PRAG1: variants seen among roughly 807,000 people sequenced by gnomAD.
The protein encoded by PRAG1 is inactive tyrosine-protein kinase PRAG1.
Under a neutral mutation model 95.6 loss-of-function variants are expected in PRAG1, and 110 were observed. The ratio of observed to expected loss-of-function variants is 1.15; its 90% confidence interval spans 0.99 to 1.35. The LOEUF is 1.35. PRAG1 is among the 40% of genes most tolerant of loss of function. The probability of loss-of-function intolerance (pLI) is 0.00; values close to 1 mark genes in which losing one functional copy is unlikely to be tolerated. For synonymous variants in PRAG1, 1,052 were observed against 819.4 expected, an observed-to-expected ratio of 1.28 and a Z score of -4.85; for missense variants, 2,554 against 1,864.7, an observed-to-expected ratio of 1.37 and a Z score of -6.81.
In PRAG1 at chr8:8,328,030, C is replaced by A; in HGVS notation, c.2752G>T (p.Ala918Ser). ...PGLQCKGAPS[A>S]SSSQLSVSSQ... ...GACACGCTCAGCTGGGAGGATGAGGCGGAGGGGGCCCCTTTGCACTGGAGG... is the reference window on the plus strand; with the variant it reads ...GACACGCTCAGCTGGGAGGATGAGGAGGAGGGGGCCCCTTTGCACTGGAGG... Residue 918 changes from alanine (A) to serine (S), a missense_variant, in exon 5 of 6, where the codon GCC (alanine) becomes TCC (serine). Physicochemically the swap from Ala to Ser is moderately conservative, Grantham distance 99 (BLOSUM62 1). Transcript: ENST00000615670. 4 of 1,582,824 alleles carry A rather than the reference C, an allele frequency of 2.5e-6. No homozygotes were observed. The highest frequency in any genetic ancestry group is 1.2e-5 in the South Asian group (1 of 85,154).
intron 2 of PRAG1, among the ~76,000 whole-genome samples, chr8:8,379,387 C>G (rs1445566950): frequency 2.0e-5 from 3 of 152,156 alleles, no homozygotes; most frequent in African/African-American, 4.8e-5. Flanking sequence ...GAAGCAGCCT[C>G]AAAGCAGGGC....
chr8:8,377,816 T>G lies in PRAG1; in HGVS notation c.593A>C (p.Gln198Pro). 1.2e-6 allele frequency: 2 copies of G among 1,614,046 alleles called. No individual in the cohort carries two copies. Among genetic ancestry groups the G allele is most frequent in the Non-Finnish European group, 1.7e-6 (2 of 1,180,010 alleles). ...VHKEKPSFPY[Q>P]DRPSTQESFR... ...GCTCTCCTGGGTGGAGGGCCGGTCT[T>G]GGTAAGGAAATGAGGGTTTTTCTTT... The change falls in exon 3 of 6, where the codon CAA (glutamine) becomes CCA (proline). Residue 198 changes from glutamine (Q) to proline (P), a missense_variant. By Grantham distance (76) the Gln-to-Pro change is moderately conservative. Transcript: ENST00000615670.
chr8:8,374,728 A>T (rs1034762581), intron 3 of PRAG1: 7 of 985,156 alleles, frequency 7.1e-6, no homozygotes, highest in Non-Finnish European at 8.4e-6. Flanking sequence ...GATCTGGAAG[A>T]TGTCTGTTCT....
chr8:8,367,006 T>G (rs1209617480), intron 3 of PRAG1, among the ~76,000 whole-genome samples: 1 of 152,020 alleles, frequency 6.6e-6, no homozygotes, highest in Non-Finnish European at 1.5e-5. Context: ...ATTTTAGATT[T>G]TATGGCTGAA....
At chr8:8,346,558 G>C (rs1799348857) in intron 3 of PRAG1, among the ~76,000 whole-genome samples, 1 of 152,174 alleles carries the variant, frequency 6.6e-6, no homozygotes, top group Non-Finnish European at 1.5e-5. Context: ...TACTATGTTG[G>C]TGGAAAGCTG....
At chr8:8,328,536 CTTTA>C (rs1308732028) in intron 4 of PRAG1, 75 bp from the exon 5 acceptor site, 504 of 1,448,398 alleles carry the variant, frequency 3.5e-4, no homozygotes, top group Non-Finnish European at 3.9e-4. Flanking sequence ...ACTTGTTTCC[CTTTA>C]TTTATTTATT....
At chr8:8,323,281 T>A (rs1798529340) in intron 5 of PRAG1, among the ~76,000 whole-genome samples, 1 of 151,706 alleles carries the variant, frequency 6.6e-6, no homozygotes, top group East Asian at 1.9e-4. Flanking sequence ...TGAGTTCTCA[T>A]GAGATCTGAT....
At chr8:8,375,983 ATGGCAACAGCT>A (rs1800371998) in intron 3 of PRAG1, among the ~76,000 whole-genome samples, 1 of 152,176 alleles carries the variant, frequency 6.6e-6, no homozygotes, top group Non-Finnish European at 1.5e-5. Flanking sequence ...GCACCAACAA[ATGGCAACAGCT>A]TGGTGAAAGA....
chr8:8,350,644 C>G (rs1470545362), intron 3 of PRAG1, among the ~76,000 whole-genome samples: 3 of 152,102 alleles, frequency 2.0e-5, no homozygotes, highest in Non-Finnish European at 4.4e-5. Flanking sequence ...TTCAGAGTCA[C>G]CAAGGATGGC....
intron 4 of PRAG1, among the ~76,000 whole-genome samples, chr8:8,328,776 GCACACACACA>G (rs148004809): frequency 1.3e-5 from 2 of 149,412 alleles, no homozygotes; most frequent in Non-Finnish European, 3.0e-5. Context: ...GCACGCGTGC[GCACACACACA>G]CACACACACA....
At chr8:8,380,316 A>C (rs928578110) in intron 2 of PRAG1, among the ~76,000 whole-genome samples, 1 of 150,462 alleles carries the variant, frequency 6.6e-6, no homozygotes, top group African/African-American at 2.4e-5. Context: ...CTAAAAAAAT[A>C]GGCCAGGCGC....
intron 2 of PRAG1, among the ~76,000 whole-genome samples, chr8:8,379,455 G>A (rs1367773478): frequency 6.6e-6 from 1 of 152,192 alleles, no homozygotes; most frequent in Non-Finnish European, 1.5e-5. Context: ...GGCTCAGGTT[G>A]GTGAAGGTTG....
chr8:8,330,229 G>C (rs1458743709), intron 4 of PRAG1, among the ~76,000 whole-genome samples: 2 of 152,186 alleles, frequency 1.3e-5, no homozygotes, highest in South Asian at 2.1e-4. Flanking sequence ...AGCTGGGCGT[G>C]GTGGTGCATG....
intron 3 of PRAG1, among the ~76,000 whole-genome samples, chr8:8,367,371 T>A (rs1800042985): frequency 7.5e-6 from 1 of 133,574 alleles, no homozygotes; most frequent in African/African-American, 2.9e-5. Context: ...GGCAGGGGAA[T>A]CGCTTGAACC....
At chr8:8,330,802 C>T (rs1031566378) in intron 4 of PRAG1, among the ~76,000 whole-genome samples, 1 of 152,106 alleles carries the variant, frequency 6.6e-6, no homozygotes, top group Non-Finnish European at 1.5e-5. Flanking sequence ...TGATTCACTT[C>T]CTCTCCCTCC....
intron 5 of PRAG1, among the ~76,000 whole-genome samples, chr8:8,321,850 T>G (rs934476313): frequency 6.6e-6 from 1 of 152,212 alleles, no homozygotes; most frequent in Non-Finnish European, 1.5e-5. Flanking sequence ...CCATAAACAC[T>G]GAATTAGTGA....
intron 5 of PRAG1, 122 bp downstream of exon 5, chr8:8,327,588 G>C: frequency 8.9e-7 from 1 of 1,122,426 alleles, no homozygotes; most frequent in Non-Finnish European, 1.2e-6. Context: ...AAAAAAGAAT[G>C]CTTAGGAATC....
At chr8:8,339,901 T>C (rs746435766) in intron 3 of PRAG1, among the ~76,000 whole-genome samples, 2 of 152,176 alleles carry the variant, frequency 1.3e-5, no homozygotes, top group African/African-American at 4.8e-5. Context: ...ATGGAAGGAA[T>C]TGCCTTCATA....
intron 4 of PRAG1, among the ~76,000 whole-genome samples, chr8:8,328,808 T>C (rs925168530): frequency 2.6e-5 from 4 of 152,058 alleles, no homozygotes; most frequent in East Asian, 1.9e-4. Context: ...ACAAATTACA[T>C]AGAAAAGAGC....
Sources: allele counts gnomAD v4.1 joint callset (sites outside exome capture counted in the v4.1 genomes callset), GRCh38; gene constraint gnomAD v4.1.1; transcripts MANE v1.5; gene names NCBI Gene and HGNC (gene_info 2026-07-23, HGNC 2026-07-21).